Variants in IFT25 observed in about 807,000 individuals in gnomAD.
IFT25 encodes intraflagellar transport protein 25 homolog.
the IFT25 span, among the ~76,000 whole-genome samples, chr1:53,933,110 A>C: frequency 2.7e-5 from 4 of 150,646 alleles, no homozygotes; most frequent in African/African-American, 7.3e-5. Context: ...ATATACACTT[A>C]GGATTATCCT....
chr1:53,915,849 T>A, the IFT25 span, among the ~76,000 whole-genome samples: 6 of 151,894 alleles, frequency 4.0e-5, no homozygotes, highest in African/African-American at 1.2e-4. Flanking sequence ...AAAGGCCACA[T>A]GAAAGGGAAA....
chr1:53,943,942 A>G, the IFT25 span, among the ~76,000 whole-genome samples: 2 of 152,176 alleles, frequency 1.3e-5, no homozygotes, highest in African/African-American at 2.4e-5. Context: ...TTTTTAAAAG[A>G]GAGTTACACT....
At chr1:53,923,724 C>T in the IFT25 span, 1 of 520,746 alleles carries the variant, frequency 1.9e-6, no homozygotes. Context: ...AGGTAAGAAC[C>T]TAATTTATGA....
chr1:53,916,620 A>G, the IFT25 span: 1 of 267,466 alleles, frequency 3.7e-6, no homozygotes. Context: ...GCTATAATTC[A>G]CATTCCTTCT....
chr1:53,931,711 C>A, the IFT25 span, among the ~76,000 whole-genome samples: 1 of 151,298 alleles, frequency 6.6e-6, no homozygotes, highest in Non-Finnish European at 1.5e-5. Context: ...TACTTTCATT[C>A]CTGGTTCTAA....
At chr1:53,925,476 C>T in the IFT25 span, among the ~76,000 whole-genome samples, 14 of 151,090 alleles carry the variant, frequency 9.3e-5, no homozygotes, top group Non-Finnish European at 1.3e-4. Context: ...CTGGCTAACA[C>T]GGTGAAACCC....
At chr1:53,944,319 C>A in the IFT25 span, among the ~76,000 whole-genome samples, 1 of 152,148 alleles carries the variant, frequency 6.6e-6, no homozygotes, top group East Asian at 1.9e-4. Flanking sequence ...GCCTGGGCAA[C>A]ATGGTGAAAC....
the IFT25 span, chr1:53,945,512 C>T: frequency 6.5e-6 from 1 of 153,280 alleles, no homozygotes; most frequent in African/African-American, 2.4e-5. Context: ...GCCAGGCCCC[C>T]ATACCCTCTG....
chr1:53,942,483 T>C, the IFT25 span, among the ~76,000 whole-genome samples: 1 of 152,260 alleles, frequency 6.6e-6, no homozygotes, highest in Non-Finnish European at 1.5e-5. Flanking sequence ...TGGCTGATTA[T>C]ATGTTACAGT....
At chr1:53,912,617 G>A in the IFT25 span, among the ~76,000 whole-genome samples, 1 of 152,222 alleles carries the variant, frequency 6.6e-6, no homozygotes, top group Non-Finnish European at 1.5e-5. Context: ...TGGGATGGGA[G>A]CCTGGAGAAG....
At chr1:53,945,378 GA>G in the IFT25 span, among the ~76,000 whole-genome samples, 1 of 152,152 alleles carries the variant, frequency 6.6e-6, no homozygotes, top group African/African-American at 2.4e-5. Flanking sequence ...GGGTCTAGAG[GA>G]AAAGGCGGGC....
chr1:53,922,072 C>T, the IFT25 span, among the ~76,000 whole-genome samples: 1 of 152,174 alleles, frequency 6.6e-6, no homozygotes, highest in African/African-American at 2.4e-5. Context: ...GGATTACAGG[C>T]ATGAGCTACC....
At chr1:53,931,083 T>C in the IFT25 span, among the ~76,000 whole-genome samples, 1 of 152,198 alleles carries the variant, frequency 6.6e-6, no homozygotes, top group Non-Finnish European at 1.5e-5. Flanking sequence ...GAATTTCCCT[T>C]ATCTTTCCTT....
the IFT25 span, among the ~76,000 whole-genome samples, chr1:53,914,427 C>T: frequency 6.6e-6 from 1 of 151,880 alleles, no homozygotes; most frequent in Non-Finnish European, 1.5e-5. Flanking sequence ...CGCTTTACCC[C>T]ATCATCTTTA....
chr1:53,930,198 C>A, the IFT25 span: 1 of 1,483,452 alleles, frequency 6.7e-7, no homozygotes, highest in Non-Finnish European at 9.0e-7. Context: ...AATGGTTAAT[C>A]ATAAAATTTT....
the IFT25 span, among the ~76,000 whole-genome samples, chr1:53,926,821 C>G: frequency 2.0e-5 from 3 of 152,022 alleles, no homozygotes; most frequent in African/African-American, 4.8e-5. Context: ...CTCCTGGGCT[C>G]AAGTGGTCCT....
chr1:53,914,548 C>T, the IFT25 span, among the ~76,000 whole-genome samples: 221 of 151,988 alleles, frequency 1.5e-3, no homozygotes, highest in African/African-American at 4.9e-3. Flanking sequence ...TATATGGCTG[C>T]GTAGTAGTTT....
the IFT25 span, among the ~76,000 whole-genome samples, chr1:53,915,201 C>A: frequency 6.6e-6 from 1 of 152,264 alleles, no homozygotes; most frequent in African/African-American, 2.4e-5. Context: ...CTATTCTAAG[C>A]CCTGAGGATA....
the IFT25 span, chr1:53,928,662 G>C: frequency 2.3e-6 from 1 of 442,476 alleles, no homozygotes; most frequent in East Asian, 3.5e-5. Context: ...ATACAACACA[G>C]AGCAAGTAGA....
Sources: gnomAD v4.1 joint callset for allele counts (sites outside exome capture counted in the v4.1 genomes callset) on GRCh38, gnomAD v4.1.1 for gene constraint, MANE v1.5 for transcripts, NCBI Gene and HGNC (gene_info 2026-07-23, HGNC 2026-07-21) for gene names.